The following NRXN3 variants were observed in gnomAD, a reference collection of about 807,000 sequenced individuals.
The protein encoded by NRXN3 is neurexin 3.
NRXN3 carries 32 observed loss-of-function variants against 137.6 expected under a neutral mutation model. The observed-to-expected ratio is 0.23, with a 90% CI of 0.18 to 0.31. The LOEUF (loss-of-function observed/expected upper bound fraction) is 0.31, where lower values mean the gene tolerates loss of function less well. Ranked by LOEUF, NRXN3 falls within the 10% of genes least tolerant of loss-of-function variation. The pLI is 1.00. For missense variants in NRXN3, 1,574 were observed against 2,062.5 expected (o/e 0.76, Z 4.59); for synonymous variants, 798 against 784.5 (o/e 1.02, Z -0.29).
At chr14:78,444,374 G>A (rs1251204959) in intron 4 of NRXN3, among the ~76,000 whole-genome samples, 2 of 152,086 alleles carry the variant, frequency 1.3e-5, no homozygotes, top group East Asian at 1.9e-4. Flanking sequence ...TCCATCATGC[G>A]GCTTTCCTCG....
intron 15 of NRXN3, among the ~76,000 whole-genome samples, chr14:79,368,665 A>G (rs2093984716): frequency 6.6e-6 from 1 of 152,162 alleles, no homozygotes; most frequent in Non-Finnish European, 1.5e-5. Flanking sequence ...CATTCCCTAT[A>G]CATTTGCATC....
intron 19 of NRXN3, among the ~76,000 whole-genome samples, chr14:79,704,764 A>C (rs1417468040): frequency 6.6e-6 from 1 of 152,038 alleles, no homozygotes; most frequent in Non-Finnish European, 1.5e-5. Context: ...CTTAGAGAAT[A>C]ATTTGGGGGG....
At chr14:79,154,959 C>T (rs536252775) in intron 15 of NRXN3, among the ~76,000 whole-genome samples, 1 of 151,928 alleles carries the variant, frequency 6.6e-6, no homozygotes, top group African/African-American at 2.4e-5. Context: ...TTTTACTTCT[C>T]TCTTTATGTT....
At chr14:79,206,279 C>T (rs1331382501) in intron 15 of NRXN3, among the ~76,000 whole-genome samples, 2 of 152,170 alleles carry the variant, frequency 1.3e-5, no homozygotes, top group East Asian at 3.9e-4. Flanking sequence ...TTAATCCTTA[C>T]AAGGGCCTTC....
intron 4 of NRXN3, among the ~76,000 whole-genome samples, chr14:78,316,246 C>G (rs2078697884): frequency 6.6e-6 from 1 of 151,978 alleles, no homozygotes; most frequent in African/African-American, 2.4e-5. Flanking sequence ...TCCCCACCCC[C>G]ACTTTAAATA....
intron 6 of NRXN3, among the ~76,000 whole-genome samples, chr14:78,658,180 C>A (rs1398506605): frequency 6.6e-6 from 1 of 152,118 alleles, no homozygotes; most frequent in Non-Finnish European, 1.5e-5. Context: ...CCAAGTGAGG[C>A]TTTTAGAATC....
chr14:79,300,029 C>T (rs116507059), intron 15 of NRXN3, among the ~76,000 whole-genome samples: 1 of 151,850 alleles, frequency 6.6e-6, no homozygotes, highest in Non-Finnish European at 1.5e-5. Context: ...TTTAAGTCAC[C>T]CTAGTAACTA....
intron 16 of NRXN3, among the ~76,000 whole-genome samples, chr14:79,503,780 A>G (rs1418453709): frequency 6.6e-6 from 1 of 152,174 alleles, no homozygotes; most frequent in Admixed American, 6.5e-5. Context: ...CATTCAGTCT[A>G]GCTGAATGAG....
At chr14:79,308,226 A>G (rs1043073303) in intron 15 of NRXN3, among the ~76,000 whole-genome samples, 1 of 152,174 alleles carries the variant, frequency 6.6e-6, no homozygotes, top group Non-Finnish European at 1.5e-5. Flanking sequence ...AATTTGGCTC[A>G]TAATACCATC....
chr14:78,556,903 C>T (rs2096742683), intron 4 of NRXN3, among the ~76,000 whole-genome samples: 1 of 122,408 alleles, frequency 8.2e-6, no homozygotes. Context: ...CTCCTCTCCC[C>T]TCCCCCTCCC....
chr14:79,437,184 G>T (rs1353290705), intron 15 of NRXN3, among the ~76,000 whole-genome samples: 1 of 151,798 alleles, frequency 6.6e-6, no homozygotes. Context: ...CCCAAATTCT[G>T]AGCTGCTTAT....
At chr14:78,829,143 C>T (rs1049786228) in intron 10 of NRXN3, among the ~76,000 whole-genome samples, 2 of 152,106 alleles carry the variant, frequency 1.3e-5, no homozygotes, top group African/African-American at 2.4e-5. Flanking sequence ...GGACTGTTAT[C>T]TCTATCTTGA....
intron 15 of NRXN3, among the ~76,000 whole-genome samples, chr14:79,258,327 C>A (rs544706693): frequency 6.6e-6 from 1 of 152,118 alleles, no homozygotes; most frequent in East Asian, 1.9e-4. Flanking sequence ...GCCTCAGCCT[C>A]CCAAGCACCT....
intron 1 of NRXN3, among the ~76,000 whole-genome samples, chr14:78,203,073 G>A (rs1271672673): frequency 1.3e-5 from 2 of 152,310 alleles, no homozygotes; most frequent in African/African-American, 2.4e-5. Context: ...TCATATCTGA[G>A]TCCCCATGCC....
intron 4 of NRXN3, among the ~76,000 whole-genome samples, chr14:78,607,497 A>G (rs895637086): frequency 2.0e-4 from 30 of 151,608 alleles, no homozygotes; most frequent in African/African-American, 7.1e-4. Flanking sequence ...TGGCCCAGCT[A>G]TGAGTCTGGA....
At chr14:79,314,774 C>G (rs2088091742) in intron 15 of NRXN3, among the ~76,000 whole-genome samples, 3 of 147,046 alleles carry the variant, frequency 2.0e-5, no homozygotes, top group Non-Finnish European at 3.0e-5. Context: ...CCCAAGCAGC[C>G]TAACTGGGAG....
intron 4 of NRXN3, among the ~76,000 whole-genome samples, chr14:78,425,063 A>G (rs753052968): frequency 6.6e-6 from 1 of 152,196 alleles, no homozygotes; most frequent in Non-Finnish European, 1.5e-5. Context: ...CAGCCTCAGA[A>G]GTTTATAAGG....
chr14:78,286,891 T>C (rs190827556), intron 3 of NRXN3, among the ~76,000 whole-genome samples: 1 of 152,290 alleles, frequency 6.6e-6, no homozygotes, highest in African/African-American at 2.4e-5. Context: ...ATTTTACAGG[T>C]ATTTTTCAGA....
chr14:79,451,169 CAGAA>C (rs2096164251), intron 15 of NRXN3, among the ~76,000 whole-genome samples: 1 of 115,968 alleles, frequency 8.6e-6, no homozygotes, highest in African/African-American at 3.3e-5. Context: ...CAGGAGGGAA[CAGAA>C]AAAAAAAAAA....
Sources: gnomAD v4.1 joint callset for allele counts (sites outside exome capture counted in the v4.1 genomes callset) on GRCh38, gnomAD v4.1.1 for gene constraint, MANE v1.5 for transcripts, NCBI Gene and HGNC (gene_info 2026-07-23, HGNC 2026-07-21) for gene names.